The following TRIM38 variants were observed in gnomAD, a reference collection of about 807,000 sequenced individuals.
The protein encoded by TRIM38 is tripartite motif containing 38, also known as E3 ubiquitin-protein ligase TRIM38.
In TRIM38, 35 loss-of-function variants were observed where a neutral mutation model predicts 35.8. That is an observed-to-expected ratio of 0.98 (90% CI 0.75 to 1.30). The LOEUF is 1.30. Among genes scored for constraint, TRIM38 ranks in the 50% most tolerant of loss-of-function variants. The pLI is 0.00. For synonymous variants in TRIM38, 198 were observed against 204.7 expected (o/e 0.97, Z 0.28); for missense variants, 545 against 556.9 (o/e 0.98, Z 0.21).
intron 2 of TRIM38, among the ~76,000 whole-genome samples, chr6:25,965,933 A>G (rs540692775): frequency 2.0e-5 from 3 of 152,160 alleles, no homozygotes; most frequent in South Asian, 4.2e-4. Context: ...AAAAAAAAAA[A>G]AAAAAGTTAG....
In TRIM38 at chr6:25,983,461, A is replaced by G. The variant is rs1244504172; in HGVS notation, c.1172A>G (p.Lys391Arg). 1.2e-6 allele frequency: 2 copies of G among 1,614,108 alleles called. No homozygotes were observed. The highest frequency in any genetic ancestry group is 3.3e-5 in the Admixed American group (2 of 60,006). The change falls in exon 8 of 8, where the codon AAA becomes AGA. Residue 391 changes from lysine to arginine, a missense_variant. Transcript: ENST00000357085. ...TGGACCCTCAGGCTGTGCAAAAAGAAAGGCTATGTAGCACTTACTTCTCCC... is the reference window on the plus strand; with the variant it reads ...TGGACCCTCAGGCTGTGCAAAAAGAGAGGCTATGTAGCACTTACTTCTCCC... Reference protein sequence around the residue: ...GFWTLRLCKKKGYVALTSPPT... With the variant: ...GFWTLRLCKKRGYVALTSPPT...
intron 7 of TRIM38, among the ~76,000 whole-genome samples, chr6:25,977,674 A>T (rs1453311973): frequency 6.6e-6 from 1 of 151,834 alleles, no homozygotes; most frequent in Non-Finnish European, 1.5e-5. Context: ...CTCAAAAAAA[A>T]AAAGAAGAGA....
At chr6:25,973,988 C>G (rs896654800) in intron 7 of TRIM38, 1 of 502,722 alleles carries the variant, frequency 2.0e-6, no homozygotes, top group Non-Finnish European at 2.6e-6. Context: ...CTGGCCTAAC[C>G]TGAAATGATT....
Position 25,987,209 on chromosome 6 carries a change from C to CCCG in TRIM38, c.*3524_*3525insGCC, listed in dbSNP as rs1005209434. 3.4e-5 allele frequency: 3 copies of CCCG among 88,304 alleles called. No individual in the cohort carries two copies. The highest frequency in any genetic ancestry group is 1.1e-4 in the African/African-American group (3 of 27,312). 5.5% of individuals were successfully genotyped at this position (88,304 alleles called of 1,614,324 possible). On this transcript the variant is annotated 3_prime_UTR_variant, in exon 8 of 8. Coordinates refer to ENST00000357085, the MANE Select transcript of TRIM38 (RefSeq NM_006355.5). The stretch of plus-strand genomic sequence containing the variant: ...AAGCTTAACAAAGGTACTCCCCGCC[C>CCCG]CCCGCCCGCCACACACCATCCCCAA...
intron 4 of TRIM38, 125 bp from the exon 5 acceptor site, chr6:25,971,743 TG>T: frequency 2.6e-6 from 2 of 781,926 alleles, no homozygotes; most frequent in Non-Finnish European, 4.1e-6. Flanking sequence ...TGGCTTATTT[TG>T]CTTGAATGTC....
intron 3 of TRIM38, 32 bp downstream of exon 3, chr6:25,966,965 T>C (rs753001898): frequency 6.4e-7 from 1 of 1,559,350 alleles, no homozygotes; most frequent in Non-Finnish European, 8.7e-7. Context: ...CTTTGGTAAG[T>C]ACCAAGTCTT....
chr6:25,983,264 A>G lies in TRIM38; in HGVS notation c.975A>G (p.Thr325=), dbSNP rs568006324. The G allele has an allele frequency of 8.7e-6, 14 of 1,614,164 alleles. No individual in the cohort carries two copies. In the African/African-American group the frequency reaches 1.2e-4, roughly 14 times the overall value. ...TRGYTQENQD[T]SSRRFTAFPC... ...GATACACCCAGGAGAATCAGGACAC[A>G]TCTTCCAGGAGATTTACTGCCTTCC... Residue 325 remains threonine (T), a synonymous_variant, in exon 8 of 8, where the codon ACA becomes ACG. Transcript: ENST00000357085.
chr6:25,976,774 A>G (rs913350557), intron 7 of TRIM38, among the ~76,000 whole-genome samples: 1 of 152,214 alleles, frequency 6.6e-6, no homozygotes, highest in Non-Finnish European at 1.5e-5. Context: ...TTTACCAGAT[A>G]CTACAGATCT....
At position 25,990,092 on chromosome 6, in the gene TRIM38, A is replaced by G. The variant is rs535271976; in HGVS notation, c.*6405A>G. ...GGTCTCCAACTTCTGGGCTCAAACA[A>G]TCCTCCCTCCTTGGCCTTCCAAAGG... is the stretch of plus-strand genomic sequence containing the variant. On this transcript the variant is annotated 3_prime_UTR_variant, in exon 8 of 8. Coordinates refer to ENST00000357085, the MANE Select transcript of TRIM38 (RefSeq NM_006355.5). 1 of 151,822 alleles carries G rather than the reference A, an allele frequency of 6.6e-6. No homozygotes were observed. The highest frequency in any genetic ancestry group is 2.1e-4 in the South Asian group (1 of 4,796). 9.4% of individuals were successfully genotyped at this position (151,822 alleles called of 1,614,324 possible).
In TRIM38 at chr6:25,987,184, A is replaced by G. The variant is rs1760731351; in HGVS notation, c.*3497A>G. 6.8e-6 allele frequency: 1 copy of G among 146,834 alleles called. No individual in the cohort carries two copies. The highest frequency in any genetic ancestry group is 6.9e-5 in the Admixed American group (1 of 14,444). 9.1% of individuals were successfully genotyped at this position (146,834 alleles called of 1,614,324 possible). On this transcript the variant is annotated 3_prime_UTR_variant, in exon 8 of 8. Transcript: ENST00000357085. ...AAAGCCTACAAACTCATTGATATAAAAGCTTAACAAAGGTACTCCCCGCCC... is the reference window on the plus strand; with the variant it reads ...AAAGCCTACAAACTCATTGATATAAGAGCTTAACAAAGGTACTCCCCGCCC...
Position 25,966,925 on chromosome 6 carries a change from G to A in TRIM38, c.403G>A (p.Gly135Ser), listed in dbSNP as rs1425956362. The A allele has an allele frequency of 6.9e-6, 11 of 1,602,782 alleles. No individual in the cohort carries two copies. The highest frequency in any genetic ancestry group is 9.4e-6 in the Non-Finnish European group (11 of 1,171,354). Residue 135 changes from glycine to serine, a missense_variant, in exon 3 of 8, where the codon GGC becomes AGC. Transcript: ENST00000357085. Reference sequence around the variant, plus strand: ...AGCTCTTGTTGAAGACGTATGCCAGGGCTACAAGGTGAGTGTGTGGGCCCG... The same window carrying A: ...AGCTCTTGTTGAAGACGTATGCCAGAGCTACAAGGTGAGTGTGTGGGCCCG... ...TTALVEDVCQ[G>S]YKEKLQKAVT...
chr6:25,983,567 T>C lies in TRIM38; in HGVS notation c.1278T>C (p.Tyr426=). 1.2e-6 allele frequency: 2 copies of C among 1,614,110 alleles called. No individual in the cohort carries two copies. The highest frequency in any genetic ancestry group is 1.7e-6 in the Non-Finnish European group (2 of 1,180,028). ...LDYEAGVVSF[Y]NGNTGCHIFT... ...ATGAGGCCGGAGTTGTATCCTTTTATAACGGGAATACTGGCTGCCACATCT... is the reference window on the plus strand; with the variant it reads ...ATGAGGCCGGAGTTGTATCCTTTTACAACGGGAATACTGGCTGCCACATCT... The change falls in exon 8 of 8, where the codon TAT becomes TAC. Residue 426 remains tyrosine, a synonymous_variant. Transcript: ENST00000357085.
intron 7 of TRIM38, chr6:25,975,500 C>T: frequency 3.1e-6 from 2 of 652,376 alleles, no homozygotes; most frequent in Non-Finnish European, 3.8e-6. Flanking sequence ...CTGTGCCCAG[C>T]TTTATTACAA....
rs1184612722 is a variant in TRIM38 at position 25,966,514 on chromosome 6, A to G, written c.-9A>G. On this transcript the variant is annotated 5_prime_UTR_variant, in exon 3 of 8. Coordinates refer to ENST00000357085, the MANE Select transcript of TRIM38 (RefSeq NM_006355.5). ...CTAGAGCCAATATTGGAGCTTTTCAATAAAAGCTATGGCCTCAACCACCAG... is the reference window on the plus strand; with the variant it reads ...CTAGAGCCAATATTGGAGCTTTTCAGTAAAAGCTATGGCCTCAACCACCAG... The G allele has an allele frequency of 2.5e-6, 4 of 1,581,572 alleles. No individual in the cohort carries two copies. Among genetic ancestry groups the G allele is most frequent in the Non-Finnish European group, 8.6e-7 (1 of 1,164,152 alleles).
chr6:25,966,934 G>C lies in TRIM38; in HGVS notation c.411+1G>C. ...TGAAGACGTATGCCAGGGCTACAAG[G>C]TGAGTGTGTGGGCCCGGGAGCTTTG... is the stretch of plus-strand genomic sequence containing the variant. On this transcript the variant is annotated splice_donor_variant, in intron 3 of 7. Transcript: ENST00000357085. LOFTEE classifies it high-confidence loss of function. The C allele has an allele frequency of 1.3e-6, 2 of 1,598,182 alleles. No individual in the cohort carries two copies. The highest frequency in any genetic ancestry group is 1.7e-6 in the Non-Finnish European group (2 of 1,168,428).
chr6:25,966,503 G>A lies in TRIM38; in HGVS notation c.-20G>A. ...CATCTCCATCTCTAGAGCCAATATT[G>A]GAGCTTTTCAATAAAAGCTATGGCC... is the stretch of plus-strand genomic sequence containing the variant. On this transcript the variant is annotated 5_prime_UTR_variant, in exon 3 of 8. Transcript: ENST00000357085. 1 of 1,573,308 alleles carries A rather than the reference G, an allele frequency of 6.4e-7. No homozygotes were observed.
Position 25,966,493 on chromosome 6 carries a change from A to T in TRIM38, c.-30A>T. On this transcript the variant is annotated 5_prime_UTR_variant, in exon 3 of 8. Coordinates refer to ENST00000357085, the MANE Select transcript of TRIM38 (RefSeq NM_006355.5). Reference sequence around the variant, plus strand: ...CTGGCTGCTTCATCTCCATCTCTAGAGCCAATATTGGAGCTTTTCAATAAA... The same window carrying T: ...CTGGCTGCTTCATCTCCATCTCTAGTGCCAATATTGGAGCTTTTCAATAAA... The T allele has an allele frequency of 6.4e-7, 1 of 1,556,812 alleles. No homozygotes were observed. Among genetic ancestry groups the T allele is most frequent in the Non-Finnish European group, 8.7e-7 (1 of 1,152,698 alleles).
rs1760794712 is a variant in TRIM38 at position 25,989,627 on chromosome 6, T to A, written c.*5940T>A. ...CCTTGGCCTTCCAAAGTACTGGGAT[T>A]ACAGGCATAAGTCACCACGCTCAGC... On this transcript the variant is annotated 3_prime_UTR_variant, in exon 8 of 8. Transcript: ENST00000357085. The A allele has an allele frequency of 6.6e-6, 1 of 151,604 alleles. No homozygotes were observed. Among genetic ancestry groups the A allele is most frequent in the Non-Finnish European group, 1.5e-5 (1 of 67,912 alleles). The allele number at this position is 151,604 out of a possible 1,614,324, so 9.4% of individuals were successfully genotyped here.
At chr6:25,981,403 G>A (rs749792088) in intron 7 of TRIM38, among the ~76,000 whole-genome samples, 14 of 152,252 alleles carry the variant, frequency 9.2e-5, no homozygotes, top group Non-Finnish European at 1.6e-4. Context: ...AGCACAGGAA[G>A]TGTTTCTGAA....
Sources: gnomAD v4.1 joint callset for allele counts (sites outside exome capture counted in the v4.1 genomes callset) on GRCh38, gnomAD v4.1.1 for gene constraint, MANE v1.5 for transcripts, NCBI Gene and HGNC (gene_info 2026-07-23, HGNC 2026-07-21) for gene names.